The following EPB41 variants were observed in gnomAD, a reference collection of about 807,000 sequenced individuals.
The protein encoded by EPB41 is protein 4.1.
EPB41 carries 65 observed loss-of-function variants against 108.0 expected under a neutral mutation model. That is an observed-to-expected ratio of 0.60 (90% CI 0.49 to 0.74). The LOEUF is 0.74. Ranked by LOEUF, EPB41 falls within the 30% of genes least tolerant of loss-of-function variation. The probability of loss-of-function intolerance (pLI) is 0.00; values close to 1 mark genes in which losing one functional copy is unlikely to be tolerated. For missense variants in EPB41, 875 were observed against 1,037.0 expected, an observed-to-expected ratio of 0.84 and a Z score of 2.15; for synonymous variants, 336 against 358.9, an observed-to-expected ratio of 0.94 and a Z score of 0.72.
intron 1 of EPB41, among the ~76,000 whole-genome samples, chr1:28,908,705 C>T (rs2092029149): frequency 6.7e-6 from 1 of 150,322 alleles, no homozygotes; most frequent in Non-Finnish European, 1.5e-5. Flanking sequence ...GCTGGGATTA[C>T]AGGCGTGAGC....
At chr1:29,104,914 G>T (rs1666644445) in intron 17 of EPB41, among the ~76,000 whole-genome samples, 3 of 151,238 alleles carry the variant, frequency 2.0e-5, no homozygotes, top group South Asian at 4.2e-4. Flanking sequence ...TGTACACACG[G>T]GACTCACTTT....
chr1:28,980,399 G>A (rs533747131), intron 1 of EPB41, among the ~76,000 whole-genome samples: 1 of 151,822 alleles, frequency 6.6e-6, no homozygotes, highest in South Asian at 2.1e-4. Context: ...ATGTCACTAG[G>A]GGAGGGTTGA....
At chr1:29,047,252 C>CTTTTTTTTT (rs1558142163) in intron 11 of EPB41, among the ~76,000 whole-genome samples, 2 of 94,866 alleles carry the variant, frequency 2.1e-5, no homozygotes, top group African/African-American at 1.3e-4. Context: ...TTCTTTCTTT[C>CTTTTTTTTT]CTTTTTTTTT....
upstream of EPB41, chr1:28,887,144 T>A (rs1004073923): frequency 1.2e-5 from 12 of 1,036,298 alleles, no homozygotes; most frequent in Admixed American, 2.8e-4. This position sits in a 1 kb window ranked among gnomAD's most constrained non-coding sequence, Gnocchi z 4.9. Flanking sequence ...GGCAGGAACC[T>A]CTTAAAGGGC....
chr1:29,074,054 A>G (rs2151146051), intron 16 of EPB41, among the ~76,000 whole-genome samples: 1 of 152,334 alleles, frequency 6.6e-6, no homozygotes, highest in South Asian at 2.1e-4. Context: ...TAGAGATCTA[A>G]TTAATTTTAA....
chr1:29,058,649 T>C lies in EPB41; in HGVS notation c.1902+4T>C. On this transcript the variant is annotated splice_donor_region_variant and intron_variant, in intron 13 of 20. Coordinates refer to ENST00000343067, the MANE Select transcript of EPB41 (RefSeq NM_001376013.1). ...CTCAAATGGTGACCAAACACAGGTT[T>C]GTGCCAATAGGCCACTTGTTCCTCT... The C allele has an allele frequency of 6.2e-7, 1 of 1,613,350 alleles. No homozygotes were observed. The highest frequency in any genetic ancestry group is 1.6e-4 in the Middle Eastern group (1 of 6,062).
At chr1:29,073,544 A>T (rs1158558951) in intron 16 of EPB41, among the ~76,000 whole-genome samples, 2 of 152,224 alleles carry the variant, frequency 1.3e-5, no homozygotes, top group African/African-American at 4.8e-5. Flanking sequence ...GTCGTTAAAT[A>T]GCTGTTTATT....
At chr1:29,010,696 G>C (rs1268926192) in intron 4 of EPB41, among the ~76,000 whole-genome samples, 1 of 152,172 alleles carries the variant, frequency 6.6e-6, no homozygotes, top group Non-Finnish European at 1.5e-5. Context: ...CAGATTCTAA[G>C]TGGAGTGGGA....
intron 1 of EPB41, among the ~76,000 whole-genome samples, chr1:28,921,178 G>T (rs887326802): frequency 6.6e-6 from 1 of 152,172 alleles, no homozygotes; most frequent in Non-Finnish European, 1.5e-5. Flanking sequence ...AGGTTTAGTT[G>T]TGATTGATAT....
At chr1:29,030,623 ATAG>A in intron 8 of EPB41, 136 bp downstream of exon 8, 1 of 741,838 alleles carries the variant, frequency 1.3e-6, no homozygotes, top group East Asian at 2.7e-5. Flanking sequence ...TTCAAAAGAG[ATAG>A]TAGACTGGGC....
At chr1:28,897,416 G>T (rs1440135218) in intron 1 of EPB41, among the ~76,000 whole-genome samples, 1 of 151,880 alleles carries the variant, frequency 6.6e-6, no homozygotes, top group Non-Finnish European at 1.5e-5. Context: ...TGGGCGTTGT[G>T]CATGTGCCTG....
intron 11 of EPB41, chr1:29,041,079 T>G (rs2150466903): frequency 6.6e-6 from 1 of 150,424 alleles, no homozygotes; most frequent in South Asian, 2.1e-4. Flanking sequence ...GAGGCTGCAG[T>G]GAGCCAAGAT....
chr1:28,929,656 C>G (rs1274138577), intron 1 of EPB41, among the ~76,000 whole-genome samples: 2 of 151,938 alleles, frequency 1.3e-5, no homozygotes, highest in Non-Finnish European at 2.9e-5. Context: ...CTCAGCCCGC[C>G]GAGTAGCTGG....
chr1:28,993,199 T>C (rs928017033), intron 2 of EPB41, 131 bp from the exon 3 acceptor site: 24 of 737,956 alleles, frequency 3.3e-5, no homozygotes, highest in Admixed American at 6.9e-5. Context: ...TAGAAAAATA[T>C]TTAATATTAA....
intron 1 of EPB41, among the ~76,000 whole-genome samples, chr1:28,968,895 G>A (rs535865291): frequency 6.6e-6 from 1 of 151,578 alleles, no homozygotes; most frequent in Non-Finnish European, 1.5e-5. Flanking sequence ...AACCTGGGAG[G>A]CAGAAGTTAC....
intron 2 of EPB41, among the ~76,000 whole-genome samples, chr1:28,989,146 T>G (rs193061504): frequency 6.6e-6 from 1 of 152,354 alleles, no homozygotes; most frequent in East Asian, 1.9e-4. Flanking sequence ...ATCATCTTCT[T>G]TAACTAGAGC....
At position 29,048,251 on chromosome 1, in the gene EPB41, G is replaced by A. The variant is rs1029942680; in HGVS notation, c.1637-4853G>A. Among the ~76,000 whole-genome samples the A allele has an allele frequency of 2.7e-4, 41 of 151,414 alleles. 1 individual carries two copies. Among genetic ancestry groups the A allele is most frequent in the Non-Finnish European group, 1.6e-4 (11 of 67,912 alleles). On this transcript the variant is annotated intron_variant, in intron 11 of 20. Transcript: ENST00000343067. ...TTTTTTGAGACGGAGTTTTGCTCTC[G>A]TTGCCTAGGCTGGAGTGCAATGGCG...
In EPB41 at chr1:29,111,784, C is replaced by T. The variant is rs950567389; in HGVS notation, c.2416-584C>T. On this transcript the variant is annotated intron_variant, in intron 18 of 20. Coordinates refer to ENST00000343067, the MANE Select transcript of EPB41 (RefSeq NM_001376013.1). ...ACAAGGTCAGGAGTTTGAGACCAGC[C>T]TGGCCAACATAGTGAAACCCCATCT... Among the ~76,000 whole-genome samples the T allele has an allele frequency of 2.6e-5, 4 of 152,064 alleles. No individual in the cohort carries two copies. The South Asian group carries it at 6.2e-4, about 24-fold the overall frequency.
intron 12 of EPB41, among the ~76,000 whole-genome samples, chr1:29,057,138 C>T (rs886723698): frequency 3.3e-5 from 5 of 151,182 alleles, no homozygotes; most frequent in African/African-American, 4.9e-5. Context: ...GCACTTTGGA[C>T]GGCTGAGGCG....
Sources: allele counts gnomAD v4.1 joint callset (sites outside exome capture counted in the v4.1 genomes callset), GRCh38; gene constraint gnomAD v4.1.1; non-coding constraint Gnocchi (gnomAD v3.1); transcripts MANE v1.5; gene names NCBI Gene and HGNC (gene_info 2026-07-23, HGNC 2026-07-21).